SLC8A1: variants seen among roughly 807,000 people sequenced by gnomAD.
The protein encoded by SLC8A1 is sodium/calcium exchanger 1.
In SLC8A1, 18 loss-of-function variants were observed where a neutral mutation model predicts 68.3. The observed-to-expected ratio is 0.26, with a 90% CI of 0.18 to 0.39. The LOEUF is 0.39. Among genes scored for constraint, SLC8A1 ranks in the 10% least tolerant of loss-of-function variants. The pLI, the probability that SLC8A1 is intolerant of heterozygous loss-of-function variation, is 1.00. For missense variants in SLC8A1, 985 were observed against 1,156.7 expected (o/e 0.85, Z 2.15); for synonymous variants, 475 against 415.5 (o/e 1.14, Z -1.74).
intron 2 of SLC8A1, among the ~76,000 whole-genome samples, chr2:40,307,376 G>A (rs1255644822): frequency 1.3e-5 from 2 of 152,106 alleles, no homozygotes; most frequent in Non-Finnish European, 2.9e-5. Context: ...AGTTATCAGG[G>A]GCTGGGAGAA....
At chr2:40,288,038 C>T (rs1468126878) in intron 2 of SLC8A1, among the ~76,000 whole-genome samples, 2 of 152,142 alleles carry the variant, frequency 1.3e-5, no homozygotes, top group African/African-American at 4.8e-5. Context: ...TCTGCTTTCC[C>T]CTTCTGCTGT....
At chr2:40,481,966 C>T (rs1237929634) in intron 1 of SLC8A1, among the ~76,000 whole-genome samples, 1 of 152,100 alleles carries the variant, frequency 6.6e-6, no homozygotes, top group Non-Finnish European at 1.5e-5. Flanking sequence ...TTTTAAGGCA[C>T]ATTACAATCA....
At chr2:40,436,595 G>A (rs947492685) in intron 1 of SLC8A1, among the ~76,000 whole-genome samples, 1 of 151,920 alleles carries the variant, frequency 6.6e-6, no homozygotes, top group Non-Finnish European at 1.5e-5. Flanking sequence ...CTGTTAAGAG[G>A]GCCCTAACAC....
chr2:40,482,877 G>A (rs1346280735), intron 1 of SLC8A1, among the ~76,000 whole-genome samples: 1 of 144,346 alleles, frequency 6.9e-6, no homozygotes, highest in Admixed American at 7.2e-5. Context: ...TGCAAGCTCC[G>A]CCTCCCGGGT....
At chr2:40,126,218 T>C (rs2148156123) in intron 7 of SLC8A1, among the ~76,000 whole-genome samples, 1 of 152,268 alleles carries the variant, frequency 6.6e-6, no homozygotes, top group African/African-American at 2.4e-5. Context: ...TGACTAACTC[T>C]CAGGGCTGCT....
intron 2 of SLC8A1, among the ~76,000 whole-genome samples, chr2:40,415,833 G>GT (rs1264685517): frequency 6.7e-6 from 1 of 148,210 alleles, no homozygotes; most frequent in Non-Finnish European, 1.5e-5. Context: ...GGCCAACATG[G>GT]TGAAACCCCA....
At chr2:40,136,238 A>G (rs2040476401) in intron 7 of SLC8A1, among the ~76,000 whole-genome samples, 1 of 152,196 alleles carries the variant, frequency 6.6e-6, no homozygotes, top group Non-Finnish European at 1.5e-5. Flanking sequence ...CGGGTCTTCA[A>G]GCTCTTGCCA....
intron 2 of SLC8A1, among the ~76,000 whole-genome samples, chr2:40,258,986 T>G (rs1207401978): frequency 2.1e-5 from 3 of 143,148 alleles, no homozygotes; most frequent in Non-Finnish European, 4.5e-5. Flanking sequence ...TTTAGCACAG[T>G]TCTATAGATT....
intron 2 of SLC8A1, among the ~76,000 whole-genome samples, chr2:40,417,342 G>A (rs1324604826): frequency 1.3e-5 from 2 of 151,946 alleles, no homozygotes; most frequent in African/African-American, 2.4e-5. Flanking sequence ...AACAACTTTG[G>A]GAAGGTTGGC....
At position 40,196,520 on chromosome 2, in the gene SLC8A1, G is replaced by A. The variant is rs552071058; in HGVS notation, c.1809-18665C>T. On this transcript the variant is annotated intron_variant, in intron 2 of 7. Transcript: ENST00000406785. The stretch of plus-strand genomic sequence containing the variant: ...GCTTTAGAAACGAAGATTCCTTGTC[G>A]TTATCATCAAATCAGAGCCTCTGCA... Among the ~76,000 whole-genome samples the A allele has an allele frequency of 2.6e-4, 39 of 151,990 alleles. No homozygotes were observed. In the South Asian group the frequency reaches 6.0e-3, roughly 23 times the overall value.
intron 2 of SLC8A1, among the ~76,000 whole-genome samples, chr2:40,334,503 G>A (rs1665308013): frequency 6.6e-6 from 1 of 152,108 alleles, no homozygotes; most frequent in African/African-American, 2.4e-5. Context: ...TAATATATAT[G>A]TGCATTAAAA....
chr2:40,211,420 T>A (rs2056565871), intron 2 of SLC8A1, among the ~76,000 whole-genome samples: 2 of 152,190 alleles, frequency 1.3e-5, no homozygotes, highest in South Asian at 4.1e-4. Context: ...CAAAAATGAT[T>A]AGAGCTAAAG....
rs767340801 is a variant in SLC8A1, at chr2:40,170,872, G to A, written c.1930+3953C>T. Among the ~76,000 whole-genome samples, 133 of 152,280 alleles carry A rather than the reference G, an allele frequency of 8.7e-4. 2 individuals are homozygous for A. Among genetic ancestry groups the A allele is most frequent in the Admixed American group, 1.3e-3 (20 of 15,304 alleles). On this transcript the variant is annotated intron_variant, in intron 4 of 7. Transcript: ENST00000406785. Reference sequence around the variant, plus strand: ...GGCCATTTCTCCAGTTTCTCCCCATGTAAAATGGTGATAATAGTACCTGCT... The same window carrying A: ...GGCCATTTCTCCAGTTTCTCCCCATATAAAATGGTGATAATAGTACCTGCT...
At chr2:40,246,240 C>T (rs1016913285) in intron 2 of SLC8A1, among the ~76,000 whole-genome samples, 4 of 152,164 alleles carry the variant, frequency 2.6e-5, no homozygotes, top group African/African-American at 4.8e-5. Context: ...ATGTGGTACA[C>T]ATCTATCTCA....
intron 2 of SLC8A1, among the ~76,000 whole-genome samples, chr2:40,211,110 G>T (rs940156293): frequency 2.0e-5 from 3 of 152,186 alleles, no homozygotes; most frequent in Non-Finnish European, 2.9e-5. Flanking sequence ...GGCTGCCATT[G>T]GCTGAGGACC....
chr2:40,211,937 C>T (rs1456559838), intron 2 of SLC8A1, among the ~76,000 whole-genome samples: 3 of 152,192 alleles, frequency 2.0e-5, no homozygotes, highest in Non-Finnish European at 4.4e-5. Flanking sequence ...TAGGGAACAG[C>T]ATCACTAGTT....
At chr2:40,188,571 T>C (rs995521492) in intron 2 of SLC8A1, among the ~76,000 whole-genome samples, 1 of 152,240 alleles carries the variant, frequency 6.6e-6, no homozygotes, top group Admixed American at 6.5e-5. Flanking sequence ...ATTTCTACCT[T>C]TGGTCTTTCT....
chr2:40,470,737 C>A (rs939705558), intron 1 of SLC8A1, among the ~76,000 whole-genome samples: 1 of 151,866 alleles, frequency 6.6e-6, no homozygotes, highest in African/African-American at 2.4e-5. Context: ...TTTGAATAAT[C>A]TTTTCTTTCT....
chr2:40,384,936 T>C (rs2149571184), intron 2 of SLC8A1, among the ~76,000 whole-genome samples: 1 of 152,222 alleles, frequency 6.6e-6, no homozygotes, highest in East Asian at 1.9e-4. Context: ...GATTGCATAA[T>C]CAAGGTCAAA....
Sources: gnomAD v4.1 joint callset for allele counts (sites outside exome capture counted in the v4.1 genomes callset) on GRCh38, gnomAD v4.1.1 for gene constraint, MANE v1.5 for transcripts, NCBI Gene and HGNC (gene_info 2026-07-23, HGNC 2026-07-21) for gene names.